The following ADGRA3 variants were observed in gnomAD, a reference collection of about 807,000 sequenced individuals.
ADGRA3 encodes the protein adhesion G protein-coupled receptor A3.
In ADGRA3, 56 loss-of-function variants were observed where a neutral mutation model predicts 119.8. That is an observed-to-expected ratio of 0.47 (90% CI 0.38 to 0.58). The LOEUF (loss-of-function observed/expected upper bound fraction) is 0.58. Ranked by LOEUF, ADGRA3 falls within the 20% of genes least tolerant of loss-of-function variation. The pLI is 0.00. For synonymous variants in ADGRA3, 607 were observed against 623.8 expected, an observed-to-expected ratio of 0.97 and a Z score of 0.40; for missense variants, 1,516 against 1,649.0, an observed-to-expected ratio of 0.92 and a Z score of 1.40.
chr4:22,511,897 T>C (rs1719461426), intron 1 of ADGRA3, among the ~76,000 whole-genome samples: 1 of 132,126 alleles, frequency 7.6e-6, no homozygotes, highest in Non-Finnish European at 1.6e-5. Flanking sequence ...CTTTCTTTCT[T>C]TTTTTTTTTT....
At chr4:22,506,562 C>A (rs1719247756) in intron 1 of ADGRA3, among the ~76,000 whole-genome samples, 1 of 151,968 alleles carries the variant, frequency 6.6e-6, no homozygotes, top group Non-Finnish European at 1.5e-5. Flanking sequence ...CAAAAACAAA[C>A]AAACAAACAA....
chr4:22,435,932 C>T (rs1437825178), intron 9 of ADGRA3, among the ~76,000 whole-genome samples: 1 of 152,074 alleles, frequency 6.6e-6, no homozygotes, highest in Admixed American at 6.6e-5. Flanking sequence ...GACTCTAACA[C>T]GGACTTAGCA....
chr4:22,471,746 A>G (rs1717864372), intron 2 of ADGRA3, among the ~76,000 whole-genome samples: 1 of 152,036 alleles, frequency 6.6e-6, no homozygotes, highest in African/African-American at 2.4e-5. Flanking sequence ...GGTCTTTCAA[A>G]GTCCCTTATC....
intron 2 of ADGRA3, among the ~76,000 whole-genome samples, chr4:22,465,552 C>T (rs1474351507): frequency 6.6e-6 from 1 of 152,134 alleles, no homozygotes; most frequent in Non-Finnish European, 1.5e-5. Flanking sequence ...TGAAATCCAC[C>T]TCTAACTCTG....
chr4:22,409,594 G>A (rs1486665665), intron 14 of ADGRA3, among the ~76,000 whole-genome samples: 1 of 152,144 alleles, frequency 6.6e-6, no homozygotes, highest in African/African-American at 2.4e-5. Flanking sequence ...TATAAGAGCT[G>A]AGTAACTGAA....
At chr4:22,487,618 C>A (rs2109143317) in intron 1 of ADGRA3, among the ~76,000 whole-genome samples, 1 of 152,210 alleles carries the variant, frequency 6.6e-6, no homozygotes, top group South Asian at 2.1e-4. Flanking sequence ...AGGATGACGG[C>A]ACACTGCACT....
chr4:22,423,077 T>A (rs1289111764), intron 11 of ADGRA3, among the ~76,000 whole-genome samples: 1 of 151,848 alleles, frequency 6.6e-6, no homozygotes, highest in African/African-American at 2.4e-5. Flanking sequence ...TTGCCTATAA[T>A]CCCAGCTACT....
intron 17 of ADGRA3, among the ~76,000 whole-genome samples, chr4:22,390,407 ACG>A (rs1166029451): frequency 3.8e-5 from 4 of 106,094 alleles, no homozygotes; most frequent in East Asian, 2.6e-4. Context: ...TATATAAAAT[ACG>A]TATTATATAT....
At chr4:22,481,140 T>G (rs1313038096) in intron 1 of ADGRA3, among the ~76,000 whole-genome samples, 1 of 152,200 alleles carries the variant, frequency 6.6e-6, no homozygotes, top group East Asian at 1.9e-4. Flanking sequence ...TGTATAATAA[T>G]ATGTGTTATT....
In ADGRA3 at chr4:22,436,593, C is replaced by G; in HGVS notation, c.1134G>C (p.Arg378=). The change falls in exon 9 of 19, where the codon CGG becomes CGC. Residue 378 remains arginine (R), a synonymous_variant. Coordinates refer to ENST00000334304, the MANE Select transcript of ADGRA3 (RefSeq NM_145290.4). ...GATATATCCCACTGCCATGGGTGTTCCGCGTACACTGCAGATATGCAGTAA... is the reference window on the plus strand; with the variant it reads ...GATATATCCCACTGCCATGGGTGTTGCGCGTACACTGCAGATATGCAGTAA... ...AGITAYLQCT[R]NTHGSGIYPG... 6.2e-7 allele frequency: 1 copy of G among 1,614,116 alleles called. No homozygotes were observed. The highest frequency in any genetic ancestry group is 1.3e-5 in the African/African-American group (1 of 75,050).
At chr4:22,489,708 T>C (rs554543437) in intron 1 of ADGRA3, among the ~76,000 whole-genome samples, 1 of 152,326 alleles carries the variant, frequency 6.6e-6, no homozygotes, top group South Asian at 2.1e-4. Flanking sequence ...GGTATTTCCA[T>C]CACTCGGTTT....
chr4:22,415,213 C>T (rs1715381557), intron 12 of ADGRA3, among the ~76,000 whole-genome samples: 1 of 152,126 alleles, frequency 6.6e-6, no homozygotes, highest in African/African-American at 2.4e-5. Context: ...AAATAATCCA[C>T]TGTTTGTGAA....
intron 4 of ADGRA3, among the ~76,000 whole-genome samples, chr4:22,448,241 C>T (rs575513428): frequency 1.6e-4 from 24 of 152,268 alleles, no homozygotes; most frequent in African/African-American, 5.5e-4. Flanking sequence ...TGTGTGTGTA[C>T]GCACTTCCGT....
intron 10 of ADGRA3, among the ~76,000 whole-genome samples, chr4:22,425,814 T>G (rs550193953): frequency 6.6e-6 from 1 of 152,282 alleles, no homozygotes; most frequent in Non-Finnish European, 1.5e-5. Flanking sequence ...TGGTTCACTT[T>G]ACAAAAAAGT....
intron 17 of ADGRA3, 137 bp from the exon 18 acceptor site, chr4:22,389,320 A>G: frequency 1.5e-6 from 1 of 667,222 alleles, no homozygotes; most frequent in Non-Finnish European, 2.6e-6. Context: ...CTGAGAGTTA[A>G]GTTGGGAGGC....
intron 1 of ADGRA3, among the ~76,000 whole-genome samples, chr4:22,509,021 A>G (rs2109184851): frequency 6.6e-6 from 1 of 152,070 alleles, no homozygotes; most frequent in South Asian, 2.1e-4. Flanking sequence ...TCCCAAGACA[A>G]GGTATTGTGC....
At chr4:22,471,027 G>C (rs1717842647) in intron 2 of ADGRA3, among the ~76,000 whole-genome samples, 1 of 152,132 alleles carries the variant, frequency 6.6e-6, no homozygotes, top group African/African-American at 2.4e-5. Context: ...CCCAGTACCG[G>C]AGCCAAGAAT....
chr4:22,468,327 G>A lies in ADGRA3; in HGVS notation c.329+5445C>T, dbSNP rs527636268. On this transcript the variant is annotated intron_variant, in intron 2 of 18. Transcript: ENST00000334304. ...ATGCTGAATTACCTTAGCGGCCTAG[G>A]GGTAGGATTAACATTGGAAAGTCAA... Among the ~76,000 whole-genome samples, 8 of 152,326 alleles carry A rather than the reference G, an allele frequency of 5.3e-5. No homozygotes were observed. The East Asian group carries it at 1.4e-3, about 26-fold the overall frequency.
At chr4:22,400,169 C>T (rs1273957689) in intron 16 of ADGRA3, among the ~76,000 whole-genome samples, 1 of 151,988 alleles carries the variant, frequency 6.6e-6, no homozygotes, top group African/African-American at 2.4e-5. Context: ...ATTATCATTC[C>T]CAATTTATAG....
Sources: allele counts gnomAD v4.1 joint callset (sites outside exome capture counted in the v4.1 genomes callset), GRCh38; gene constraint gnomAD v4.1.1; transcripts MANE v1.5; gene names NCBI Gene and HGNC (gene_info 2026-07-23, HGNC 2026-07-21).